The following PXYLP1 variants were observed in gnomAD, a reference collection of about 807,000 sequenced individuals.
PXYLP1 encodes the protein acid phosphatase-like 2.
In PXYLP1, 17 loss-of-function variants were observed where a neutral mutation model predicts 37.9. The observed-to-expected ratio is 0.45, with a 90% confidence interval of 0.31 to 0.67. The LOEUF is 0.67. Ranked by LOEUF, PXYLP1 falls within the 30% of genes least tolerant of loss-of-function variation. PXYLP1 has a pLI of 0.07. For synonymous variants in PXYLP1, 221 were observed against 232.2 expected (o/e 0.95, Z 0.44); for missense variants, 511 against 612.0 (o/e 0.84, Z 1.74).
chr3:141,262,554 ACT>A, intron 2 of PXYLP1: 2 of 1,179,590 alleles, frequency 1.7e-6, no homozygotes, highest in Non-Finnish European at 2.3e-6. Flanking sequence ...TGCTTATATA[ACT>A]CTTCTGAAAG....
intron 2 of PXYLP1, chr3:141,273,253 G>T: frequency 1.0e-6 from 1 of 985,490 alleles, no homozygotes; most frequent in Non-Finnish European, 1.2e-6. Context: ...TGGATGGCCA[G>T]ATGGACAAAT....
rs554187296 is a variant in PXYLP1, at chr3:141,258,639, A to G, written c.-53-1484A>G. ...TCAACAAAGCTGTCTGGGCCAGAGG[A>G]CTAAGGCACGTCCCATACCGTCATG... On this transcript the variant is annotated intron_variant, in intron 1 of 5. Coordinates refer to ENST00000286353, the MANE Select transcript of PXYLP1 (RefSeq NM_001037172.3). The G allele has an allele frequency of 1.3e-3, 213 of 161,790 alleles. 1 individual carries two copies. Among genetic ancestry groups the G allele is most frequent in the Non-Finnish European group, 3.4e-4 (25 of 72,774 alleles). The allele number at this position is 161,790 out of a possible 1,614,324, so 10.0% of individuals were successfully genotyped here.
In PXYLP1 at chr3:141,293,140, A is replaced by G. The variant is rs1942269648; in HGVS notation, c.1378A>G (p.Met460Val). The change falls in exon 6 of 6, where the codon ATG (methionine) becomes GTG (valine). Residue 460 changes from methionine to valine, a missense_variant. Met to Val is a conservative substitution (Grantham distance 21). Coordinates refer to ENST00000286353, the MANE Select transcript of PXYLP1 (RefSeq NM_001037172.3). ...CTTGGTCCGCTTTGTGAAAAGGGAC[A>G]TGTTTGTAGCCCTGGGTGGCAGTGG... The part of the protein sequence containing the change: ...ENLVRFVKRD[M>V]FVALGGSGTN... 2.5e-6 allele frequency: 4 copies of G among 1,614,174 alleles called. No homozygotes were observed. Among genetic ancestry groups the G allele is most frequent in the Non-Finnish European group, 3.4e-6 (4 of 1,180,038 alleles).
intron 1 of PXYLP1, among the ~76,000 whole-genome samples, chr3:141,246,766 T>A (rs746022058): frequency 5.9e-5 from 9 of 152,252 alleles, no homozygotes; most frequent in Non-Finnish European, 1.3e-4. Context: ...TGCCACATAG[T>A]AAATCATTCC....
chr3:141,238,132 C>T (rs1376898904), intron 1 of PXYLP1, among the ~76,000 whole-genome samples: 1 of 152,226 alleles, frequency 6.6e-6, no homozygotes, highest in Non-Finnish European at 1.5e-5. Context: ...AATGGCACAG[C>T]TGCTCCTGAG....
intron 1 of PXYLP1, among the ~76,000 whole-genome samples, chr3:141,249,738 TA>T (rs1197281505): frequency 6.6e-6 from 1 of 152,240 alleles, no homozygotes; most frequent in Non-Finnish European, 1.5e-5. Flanking sequence ...CTCGACATTC[TA>T]AAATAATAAT....
At chr3:141,286,199 T>A (rs1339509706) in intron 4 of PXYLP1, among the ~76,000 whole-genome samples, 1 of 152,236 alleles carries the variant, frequency 6.6e-6, no homozygotes, top group Non-Finnish European at 1.5e-5. Context: ...AAAGAAAAGA[T>A]GTTTATATTC....
chr3:141,278,428 C>G lies in PXYLP1; in HGVS notation c.166C>G (p.Pro56Ala). ...RIMPDPVTEP[P>A]VTDPVYEALL... ...CATGCCCGACCCTGTGACGGAGCCC[C>G]CTGTGACAGACCCCGTTTATGAAGC... is the stretch of plus-strand genomic sequence containing the variant. Residue 56 changes from proline (P) to alanine (A), a missense_variant, in exon 3 of 6, where the codon CCT (proline) becomes GCT (alanine). Transcript: ENST00000286353. 1 of 1,614,192 alleles carries G rather than the reference C, an allele frequency of 6.2e-7. No homozygotes were observed. Among genetic ancestry groups the G allele is most frequent in the South Asian group, 1.1e-5 (1 of 91,090 alleles).
At chr3:141,270,518 A>G (rs1288329043) in intron 2 of PXYLP1, among the ~76,000 whole-genome samples, 2 of 152,248 alleles carry the variant, frequency 1.3e-5, no homozygotes, top group African/African-American at 2.4e-5. Context: ...GTTGAGGAGC[A>G]CTAAGGGAAT....
At chr3:141,251,871 G>T (rs1576581950) in intron 1 of PXYLP1, among the ~76,000 whole-genome samples, 1 of 152,206 alleles carries the variant, frequency 6.6e-6, no homozygotes, top group East Asian at 1.9e-4. Context: ...GAGAAGTAGG[G>T]TAAGTAGCTC....
At chr3:141,276,479 T>C (rs184214084) in intron 2 of PXYLP1, among the ~76,000 whole-genome samples, 27 of 152,376 alleles carry the variant, frequency 1.8e-4, no homozygotes, top group African/African-American at 5.8e-4. Context: ...ACTTAATTTA[T>C]CTTTGATTCT....
At chr3:141,244,427 A>G (rs1940887856) in intron 1 of PXYLP1, among the ~76,000 whole-genome samples, 1 of 152,000 alleles carries the variant, frequency 6.6e-6, no homozygotes, top group Non-Finnish European at 1.5e-5. Flanking sequence ...TATGTGAGTA[A>G]ATATTGGAAA....
intron 1 of PXYLP1, among the ~76,000 whole-genome samples, chr3:141,238,687 A>G (rs1048410606): frequency 2.0e-5 from 3 of 151,646 alleles, no homozygotes; most frequent in African/African-American, 4.8e-5. Flanking sequence ...TAAATCCCCA[A>G]TATTGTAACT....
Position 141,260,951 on chromosome 3 carries a change from C to T in PXYLP1, c.79+697C>T, listed in dbSNP as rs113351028. ...GCCCTCCTGTGGCCCCTCTCTGCTG[C>T]TTCTGTGCTCAGATCCTGGTGCTCC... On this transcript the variant is annotated intron_variant, in intron 2 of 5. Transcript: ENST00000286353. Among the ~76,000 whole-genome samples, 257 of 152,344 alleles carry T rather than the reference C, an allele frequency of 1.7e-3. 1 individual carries two copies. Among genetic ancestry groups the T allele is most frequent in the African/African-American group, 5.7e-3 (237 of 41,592 alleles).
chr3:141,243,560 C>G (rs528418340), intron 1 of PXYLP1, among the ~76,000 whole-genome samples: 28 of 152,360 alleles, frequency 1.8e-4, no homozygotes, highest in Non-Finnish European at 3.2e-4. Context: ...TGACATCCTC[C>G]CTGCCTTTTA....
chr3:141,273,696 G>A, intron 2 of PXYLP1: 1 of 985,420 alleles, frequency 1.0e-6, no homozygotes, highest in African/African-American at 1.7e-5. Flanking sequence ...TTATAGATGT[G>A]TGGACAGGAT....
intron 2 of PXYLP1, chr3:141,267,298 G>T (rs1941542175): frequency 6.6e-6 from 1 of 152,190 alleles, no homozygotes; most frequent in Non-Finnish European, 1.5e-5. Context: ...GGGGATGCAA[G>T]CCCTTAGAAT....
intron 2 of PXYLP1, chr3:141,272,930 C>A: frequency 1.1e-6 from 1 of 944,374 alleles, no homozygotes; most frequent in Admixed American, 6.2e-5. Context: ...AGGAGCAATA[C>A]TTTGTGTTCT....
In PXYLP1 at chr3:141,278,455, C is replaced by A; in HGVS notation, c.193C>A (p.Leu65Ile). 1.9e-6 allele frequency: 3 copies of A among 1,614,212 alleles called. No homozygotes were observed. Among genetic ancestry groups the A allele is most frequent in the South Asian group, 2.2e-5 (2 of 91,088 alleles). Residue 65 changes from leucine (L) to isoleucine (I), a missense_variant, in exon 3 of 6, where the codon CTT (leucine) becomes ATT (isoleucine). Physicochemically the swap from Leu to Ile is conservative, Grantham distance 5. Coordinates refer to ENST00000286353, the MANE Select transcript of PXYLP1 (RefSeq NM_001037172.3). ...TGTGACAGACCCCGTTTATGAAGCT[C>A]TTTTGTACTGCAACATCCCCAGCGT... ...PPVTDPVYEA[L>I]LYCNIPSVAE...
Sources: allele counts gnomAD v4.1 joint callset (sites outside exome capture counted in the v4.1 genomes callset), GRCh38; gene constraint gnomAD v4.1.1; transcripts MANE v1.5; gene names NCBI Gene and HGNC (gene_info 2026-07-23, HGNC 2026-07-21).